UMAD1: variants seen among roughly 807,000 people sequenced by gnomAD.
UMAD1 encodes UBAP1-MVB12-associated (UMA) domain containing 1.
Under a neutral mutation model 6.1 loss-of-function variants are expected in UMAD1, and 8 were observed. The observed-to-expected ratio is 1.30, with a 90% CI of 0.76 to 2.35. The LOEUF (loss-of-function observed/expected upper bound fraction) is 2.35, where lower values mean the gene tolerates loss of function less well. Among genes scored for constraint, UMAD1 ranks in the 30% most tolerant of loss-of-function variants. UMAD1 has a pLI of 0.00. For synonymous variants in UMAD1, 56 were observed against 31.4 expected, an observed-to-expected ratio of 1.78 and a Z score of -2.61; for missense variants, 130 against 78.4, an observed-to-expected ratio of 1.66 and a Z score of -2.49.
intron 1 of UMAD1, among the ~76,000 whole-genome samples, chr7:7,664,098 A>T (rs550814221): frequency 7.2e-5 from 11 of 152,332 alleles, no homozygotes; most frequent in African/African-American, 2.4e-4. Context: ...TCTTGCTATT[A>T]TTTAAAACCT....
intron 2 of UMAD1, among the ~76,000 whole-genome samples, chr7:7,704,766 C>CAAAAAAAAAA (rs71011001): frequency 5.6e-5 from 1 of 17,852 alleles, no homozygotes; most frequent in East Asian, 2.8e-3. Flanking sequence ...GACTCCATCT[C>CAAAAAAAAAA]AAAAAAAAAA....
chr7:7,823,294 T>G (rs1783277405), intron 3 of UMAD1, among the ~76,000 whole-genome samples: 1 of 152,190 alleles, frequency 6.6e-6, no homozygotes, highest in Admixed American at 6.6e-5. Flanking sequence ...ATTGCCAGAT[T>G]TAGCAAATAA....
Position 7,831,066 on chromosome 7 carries a change from CATTTATA to C in UMAD1, c.156+29325_156+29331del, listed in dbSNP as rs1257334242. Reference sequence around the variant, plus strand: ...AACAAATACTAATGATATACTTATGCATTTATAAGGAAAATTATTTGTATGAAGTTAG... The same window carrying C: ...AACAAATACTAATGATATACTTATGCAGGAAAATTATTTGTATGAAGTTAG... On this transcript the variant is annotated intron_variant, in intron 3 of 3. Coordinates refer to ENST00000682710, the MANE Select transcript of UMAD1 (RefSeq NM_001302348.2). Among the ~76,000 whole-genome samples the C allele has an allele frequency of 2.6e-5, 4 of 152,186 alleles. No individual in the cohort carries two copies. The East Asian group carries it at 7.7e-4, about 29-fold the overall frequency.
chr7:7,752,108 A>T (rs1781688970), intron 2 of UMAD1, among the ~76,000 whole-genome samples: 1 of 152,222 alleles, frequency 6.6e-6, no homozygotes, highest in Non-Finnish European at 1.5e-5. Flanking sequence ...TTTTTAAAGA[A>T]CTGAGATAAT....
intron 2 of UMAD1, among the ~76,000 whole-genome samples, chr7:7,776,809 C>G (rs1782217286): frequency 1.3e-5 from 2 of 152,114 alleles, no homozygotes; most frequent in Admixed American, 1.3e-4. Flanking sequence ...TTCGTTTTGA[C>G]TAGATAATAC....
At chr7:7,773,726 T>G (rs1782145555) in intron 2 of UMAD1, among the ~76,000 whole-genome samples, 1 of 152,186 alleles carries the variant, frequency 6.6e-6, no homozygotes, top group Non-Finnish European at 1.5e-5. Context: ...GTTTCAGGTT[T>G]GCTTTAAAAC....
chr7:7,869,983 T>C (rs1219400784), intron 3 of UMAD1, among the ~76,000 whole-genome samples: 2 of 152,150 alleles, frequency 1.3e-5, no homozygotes, highest in South Asian at 4.1e-4. Flanking sequence ...ATTTTTAAGA[T>C]TGAACCTCAT....
At chr7:7,824,356 G>A (rs986420784) in intron 3 of UMAD1, among the ~76,000 whole-genome samples, 1 of 152,024 alleles carries the variant, frequency 6.6e-6, no homozygotes, top group East Asian at 1.9e-4. Context: ...TTCTTCCTCA[G>A]TGCTCAATGC....
intron 2 of UMAD1, among the ~76,000 whole-genome samples, chr7:7,798,117 A>T (rs1265891390): frequency 2.0e-5 from 3 of 152,216 alleles, no homozygotes; most frequent in African/African-American, 7.2e-5. Flanking sequence ...ATTAGGTTAC[A>T]TATTTTCTAT....
At chr7:7,777,362 T>C (rs908101026) in intron 2 of UMAD1, among the ~76,000 whole-genome samples, 2 of 151,170 alleles carry the variant, frequency 1.3e-5, no homozygotes, top group East Asian at 1.9e-4. Flanking sequence ...AAAAATTAGC[T>C]GGGCGTGGTG....
At chr7:7,798,709 T>C (rs1401077353) in intron 2 of UMAD1, among the ~76,000 whole-genome samples, 3 of 152,182 alleles carry the variant, frequency 2.0e-5, no homozygotes, top group Admixed American at 6.5e-5. Flanking sequence ...CCCTCATGCA[T>C]TGGAACCGTT....
chr7:7,683,533 A>G (rs1334404168), intron 2 of UMAD1, among the ~76,000 whole-genome samples: 1 of 152,226 alleles, frequency 6.6e-6, no homozygotes, highest in Non-Finnish European at 1.5e-5. Context: ...ATTTCTGGGT[A>G]ATTACATTTC....
At position 7,678,092 on chromosome 7, in the gene UMAD1, G is replaced by A. The variant is rs1031694632; in HGVS notation, c.82+4639G>A. Among the ~76,000 whole-genome samples, 3 of 152,068 alleles carry A rather than the reference G, an allele frequency of 2.0e-5. No homozygotes were observed. The East Asian group carries it at 5.8e-4, about 29-fold the overall frequency. On this transcript the variant is annotated intron_variant, in intron 2 of 3. Transcript: ENST00000682710. ...TTTGATATGCTGATTTCTTCTTTTG[G>A]GTATGTACCCAGCAATAGAATTGCT...
intron 3 of UMAD1, among the ~76,000 whole-genome samples, chr7:7,842,166 A>G (rs1384347767): frequency 3.3e-5 from 5 of 152,100 alleles, no homozygotes; most frequent in South Asian, 2.1e-4. Context: ...GAAATTCCCA[A>G]CTGTTCATTT....
intron 2 of UMAD1, among the ~76,000 whole-genome samples, chr7:7,795,678 G>A (rs117695381): frequency 0.061 from 9,286 of 152,268 alleles, 380 homozygotes; most frequent in Non-Finnish European, 0.086. Context: ...ATTTCCCAGA[G>A]CTGAGGGTTT....
intron 3 of UMAD1, among the ~76,000 whole-genome samples, chr7:7,855,230 T>C (rs899299593): frequency 2.6e-5 from 4 of 152,168 alleles, no homozygotes; most frequent in Non-Finnish European, 5.9e-5. Flanking sequence ...GTGGTTCTCT[T>C]CTCACAACTC....
At chr7:7,744,782 T>TTGAA (rs1226394452) in intron 2 of UMAD1, among the ~76,000 whole-genome samples, 1 of 152,192 alleles carries the variant, frequency 6.6e-6, no homozygotes, top group African/African-American at 2.4e-5. Flanking sequence ...CTTTTTATTA[T>TTGAA]TGAATTCTAA....
At chr7:7,877,237 C>T (rs1784435828) in intron 3 of UMAD1, 44 bp from the exon 4 acceptor site, 1 of 690,058 alleles carries the variant, frequency 1.4e-6, no homozygotes, top group Non-Finnish European at 2.7e-6. Flanking sequence ...TATTCAACCT[C>T]AAAGTTCACA....
intron 2 of UMAD1, among the ~76,000 whole-genome samples, chr7:7,719,313 A>AT (rs1054294018): frequency 6.6e-6 from 1 of 152,212 alleles, no homozygotes; most frequent in Non-Finnish European, 1.5e-5. Flanking sequence ...AAATGGAAAG[A>AT]TTAAACTGGA....
Sources: allele counts gnomAD v4.1 joint callset (sites outside exome capture counted in the v4.1 genomes callset), GRCh38; gene constraint gnomAD v4.1.1; transcripts MANE v1.5; gene names NCBI Gene and HGNC (gene_info 2026-07-23, HGNC 2026-07-21).